Variants in PEX5L observed in about 807,000 individuals in gnomAD.
PEX5L encodes peroxisomal biogenesis factor 5 like.
Under a neutral mutation model 84.0 loss-of-function variants are expected in PEX5L, and 30 were observed. The observed-to-expected ratio is 0.36, with a 90% CI of 0.27 to 0.48. The LOEUF is 0.48. Ranked by LOEUF, PEX5L falls within the 20% of genes least tolerant of loss-of-function variation. The pLI is 0.99. For synonymous variants in PEX5L, 270 were observed against 283.1 expected (o/e 0.95, Z 0.46); for missense variants, 533 against 754.6 (o/e 0.71, Z 3.44).
intron 3 of PEX5L, among the ~76,000 whole-genome samples, chr3:179,889,478 G>T (rs183197346): frequency 1.3e-5 from 2 of 152,278 alleles, no homozygotes; most frequent in Admixed American, 1.3e-4. Flanking sequence ...TTGGTAATTA[G>T]ATTTTTATAC....
intron 3 of PEX5L, among the ~76,000 whole-genome samples, chr3:179,894,542 A>G (rs9874715): frequency 0.027 from 4,093 of 152,208 alleles, 209 homozygotes; most frequent in African/African-American, 0.094. Context: ...AAATGAACAG[A>G]TCACAGCTTG....
chr3:179,833,489 T>C (rs1360156854), intron 8 of PEX5L, among the ~76,000 whole-genome samples: 1 of 152,224 alleles, frequency 6.6e-6, no homozygotes, highest in South Asian at 2.1e-4. Flanking sequence ...TAAGGATCAA[T>C]CAATATTGTA....
intron 2 of PEX5L, among the ~76,000 whole-genome samples, chr3:179,966,587 T>A (rs1301176108): frequency 6.6e-6 from 1 of 152,160 alleles, no homozygotes; most frequent in Non-Finnish European, 1.5e-5. Context: ...AAGCTGGGTA[T>A]CTTCTCCGTT....
chr3:179,923,836 G>T (rs1277642144), intron 2 of PEX5L, among the ~76,000 whole-genome samples: 1 of 152,198 alleles, frequency 6.6e-6, no homozygotes, highest in Non-Finnish European at 1.5e-5. Flanking sequence ...AAAAGTATCA[G>T]CAGTTATTTT....
intron 1 of PEX5L, among the ~76,000 whole-genome samples, chr3:179,999,947 G>T (rs1433828289): frequency 6.6e-6 from 1 of 152,180 alleles, no homozygotes; most frequent in Admixed American, 6.5e-5. Context: ...CTGGGGCAAA[G>T]TTCTCCAGAA....
At chr3:179,896,281 A>T (rs1228946605) in intron 3 of PEX5L, 1 of 152,114 alleles carries the variant, frequency 6.6e-6, no homozygotes, top group African/African-American at 2.4e-5. Flanking sequence ...GGTGCATTAA[A>T]TTTTTTGAAT....
At chr3:180,003,487 TTTTAA>T (rs1229962464) in intron 1 of PEX5L, among the ~76,000 whole-genome samples, 1 of 152,118 alleles carries the variant, frequency 6.6e-6, no homozygotes, top group Non-Finnish European at 1.5e-5. Flanking sequence ...ATTAGTGATA[TTTTAA>T]TTTTTTAAAT....
chr3:179,906,258 C>T (rs1185093866), intron 2 of PEX5L, among the ~76,000 whole-genome samples: 1 of 152,198 alleles, frequency 6.6e-6, no homozygotes, highest in Non-Finnish European at 1.5e-5. Flanking sequence ...TCTTTGTTTT[C>T]CAAGCAATCT....
At chr3:179,869,345 C>A (rs1470574729) in intron 7 of PEX5L, among the ~76,000 whole-genome samples, 1 of 152,092 alleles carries the variant, frequency 6.6e-6, no homozygotes, top group African/African-American at 2.4e-5. Context: ...CTGTGTTTTT[C>A]TTAATTCTTC....
intron 2 of PEX5L, among the ~76,000 whole-genome samples, chr3:179,915,305 T>A (rs982080780): frequency 6.6e-6 from 1 of 152,216 alleles, no homozygotes; most frequent in Non-Finnish European, 1.5e-5. Flanking sequence ...TGGGAGGTTT[T>A]GAATTTTACC....
chr3:180,003,384 T>TAA (rs61655411), intron 1 of PEX5L, among the ~76,000 whole-genome samples: 1 of 149,762 alleles, frequency 6.7e-6, no homozygotes, highest in Non-Finnish European at 1.5e-5. Context: ...GACTGGGCAC[T>TAA]AAAAAAAAGA....
At chr3:179,895,439 GC>G (rs1758940580) in intron 3 of PEX5L, among the ~76,000 whole-genome samples, 1 of 152,030 alleles carries the variant, frequency 6.6e-6, no homozygotes, top group South Asian at 2.1e-4. Context: ...ATCAACACAT[GC>G]TTTTTTACAT....
At chr3:180,024,061 G>T (rs978229889) in intron 1 of PEX5L, among the ~76,000 whole-genome samples, 2 of 152,064 alleles carry the variant, frequency 1.3e-5, no homozygotes, top group African/African-American at 4.8e-5. Flanking sequence ...CACAGTCTTT[G>T]TATATTTGGT....
intron 1 of PEX5L, among the ~76,000 whole-genome samples, chr3:179,974,784 C>T (rs1016377530): frequency 2.0e-5 from 3 of 152,206 alleles, no homozygotes. Context: ...CAGACTTCCA[C>T]CATCTCTCCT....
intron 2 of PEX5L, among the ~76,000 whole-genome samples, chr3:179,929,489 ATTTTTTT>A (rs5854851): frequency 7.7e-6 from 1 of 129,136 alleles, no homozygotes; most frequent in Admixed American, 7.5e-5. Flanking sequence ...TGAAGTTGCC[ATTTTTTT>A]TTTTTTTTTG....
At chr3:179,941,253 G>A (rs1037550225) in intron 2 of PEX5L, among the ~76,000 whole-genome samples, 3 of 152,144 alleles carry the variant, frequency 2.0e-5, no homozygotes, top group Non-Finnish European at 4.4e-5. Flanking sequence ...ACAGTTCAGC[G>A]GCATTTATAC....
intron 2 of PEX5L, among the ~76,000 whole-genome samples, chr3:179,969,087 C>G (rs1380171267): frequency 6.6e-6 from 1 of 151,970 alleles, no homozygotes; most frequent in Non-Finnish European, 1.5e-5. Context: ...GATAAAATGG[C>G]ATATAGCATA....
intron 1 of PEX5L, among the ~76,000 whole-genome samples, chr3:180,022,753 C>T (rs1207136918): frequency 6.6e-6 from 1 of 152,092 alleles, no homozygotes; most frequent in East Asian, 1.9e-4. Flanking sequence ...ATTATTCTGG[C>T]CTTCTGGGCA....
rs188810229 is a variant in PEX5L, at chr3:179,796,000, G to A, written c.*5828C>T. 19 of 152,046 alleles carry A rather than the reference G, an allele frequency of 1.2e-4. No individual in the cohort carries two copies. The highest frequency in any genetic ancestry group is 4.1e-4 in the African/African-American group (17 of 41,476). The allele number at this position is 152,046 out of a possible 1,614,324, so 9.4% of individuals were successfully genotyped here. Reference sequence around the variant, plus strand: ...GTTTGCTGTATTTCCCTTAACTACTGGTAATGTAGTCCATCATGAACACAT... The same window carrying A: ...GTTTGCTGTATTTCCCTTAACTACTAGTAATGTAGTCCATCATGAACACAT... On this transcript the variant is annotated 3_prime_UTR_variant, in exon 15 of 15. Coordinates refer to ENST00000467460, the MANE Select transcript of PEX5L (RefSeq NM_016559.3).
Sources: allele counts gnomAD v4.1 joint callset (sites outside exome capture counted in the v4.1 genomes callset), GRCh38; gene constraint gnomAD v4.1.1; transcripts MANE v1.5; gene names NCBI Gene and HGNC (gene_info 2026-07-23, HGNC 2026-07-21).